The following BBX variants were observed in gnomAD, a reference collection of about 807,000 sequenced individuals.
The protein encoded by BBX is BBX high mobility group box domain containing, also known as HMG box transcription factor BBX.
In BBX, 30 loss-of-function variants were observed where a neutral mutation model predicts 100.2. The ratio of observed to expected loss-of-function variants is 0.30; its 90% CI spans 0.22 to 0.41. The LOEUF (loss-of-function observed/expected upper bound fraction) is 0.41. BBX is among the 10% of genes least tolerant of loss of function. BBX has a pLI of 1.00. For missense variants in BBX, 1,023 were observed against 1,129.8 expected (o/e 0.91, Z 1.35); for synonymous variants, 376 against 388.1 (o/e 0.97, Z 0.37).
At chr3:107,696,506 A>C (rs1027702362) in intron 3 of BBX, among the ~76,000 whole-genome samples, 6 of 151,478 alleles carry the variant, frequency 4.0e-5, no homozygotes, top group African/African-American at 1.5e-4. Flanking sequence ...TCTTTTCTTT[A>C]AGAATGTTGA....
At chr3:107,607,048 A>G (rs1576473969) in intron 2 of BBX, among the ~76,000 whole-genome samples, 2 of 152,102 alleles carry the variant, frequency 1.3e-5, no homozygotes, top group East Asian at 3.9e-4. Context: ...TGCCTGGCTT[A>G]TTAACTTAAT....
chr3:107,659,756 CTG>C (rs1180528380), intron 3 of BBX: 2 of 1,281,320 alleles, frequency 1.6e-6, no homozygotes, highest in Admixed American at 4.6e-5. Flanking sequence ...CATGAATGCA[CTG>C]TTTATTTTTA....
At chr3:107,803,088 T>C (rs969775569) in intron 17 of BBX, among the ~76,000 whole-genome samples, 6 of 152,246 alleles carry the variant, frequency 3.9e-5, no homozygotes, top group Admixed American at 2.6e-4. Flanking sequence ...GTTCCTGTTA[T>C]AACAATTGAT....
chr3:107,741,989 T>G (rs1362979186), intron 7 of BBX, among the ~76,000 whole-genome samples: 1 of 152,204 alleles, frequency 6.6e-6, no homozygotes, highest in Non-Finnish European at 1.5e-5. Context: ...TGCCATGTCA[T>G]TGAACCATTT....
intron 2 of BBX, among the ~76,000 whole-genome samples, chr3:107,532,451 G>A (rs950296664): frequency 6.6e-6 from 1 of 152,116 alleles, no homozygotes; most frequent in Non-Finnish European, 1.5e-5. Flanking sequence ...GTTCTAATTG[G>A]GGTGTTCCTC....
chr3:107,659,324 A>G (rs1282503963), intron 3 of BBX, among the ~76,000 whole-genome samples: 2 of 151,904 alleles, frequency 1.3e-5, no homozygotes, highest in East Asian at 3.8e-4. Flanking sequence ...GCATCTGAAC[A>G]TATAGATATC....
At chr3:107,686,642 T>G (rs1296451234) in intron 3 of BBX, among the ~76,000 whole-genome samples, 1 of 152,166 alleles carries the variant, frequency 6.6e-6, no homozygotes, top group African/African-American at 2.4e-5. Flanking sequence ...CCCCATTGAT[T>G]TTTTCATCAT....
chr3:107,793,985 ATATG>A (rs2069331088), intron 15 of BBX, among the ~76,000 whole-genome samples: 1 of 152,094 alleles, frequency 6.6e-6, no homozygotes, highest in South Asian at 2.1e-4. Context: ...ATTTCGGTAT[ATATG>A]TATTAAAAAA....
At chr3:107,782,886 T>C (rs2068045137) in intron 13 of BBX, among the ~76,000 whole-genome samples, 1 of 152,008 alleles carries the variant, frequency 6.6e-6, no homozygotes, top group Non-Finnish European at 1.5e-5. Flanking sequence ...AGAAATTTGG[T>C]AGGGAAAGAG....
intron 2 of BBX, among the ~76,000 whole-genome samples, chr3:107,633,919 C>A (rs1267437178): frequency 6.6e-6 from 1 of 152,194 alleles, no homozygotes; most frequent in Non-Finnish European, 1.5e-5. Context: ...TCTTCATAAC[C>A]TCTCCATAGT....
At chr3:107,607,122 A>T (rs1304262584) in intron 2 of BBX, among the ~76,000 whole-genome samples, 1 of 151,550 alleles carries the variant, frequency 6.6e-6, no homozygotes, top group African/African-American at 2.4e-5. Flanking sequence ...TTTGAGATGG[A>T]GTCTCACTCT....
At chr3:107,684,897 TGCG>T (rs1043988484) in intron 3 of BBX, among the ~76,000 whole-genome samples, 25 of 152,226 alleles carry the variant, frequency 1.6e-4, no homozygotes, top group Admixed American at 1.5e-3. Flanking sequence ...GCAAAGTGGG[TGCG>T]GGGAAGCAGC....
Position 107,610,787 on chromosome 3 carries a change from TG to T in BBX, c.-83-35048del, listed in dbSNP as rs2054791302. ...TTCTTATAGGCAACAGATCATTGGG[TG>T]TTTTTTTTTTTTAAGCATTTAATCA... On this transcript the variant is annotated intron_variant, in intron 2 of 17. Coordinates refer to ENST00000325805, the MANE Select transcript of BBX (RefSeq NM_001142568.3). Among the ~76,000 whole-genome samples, 4 of 151,512 alleles carry T rather than the reference TG, an allele frequency of 2.6e-5. No homozygotes were observed. In the South Asian group the frequency reaches 8.3e-4, roughly 32 times the overall value.
chr3:107,590,715 A>T (rs1447305793), intron 2 of BBX, among the ~76,000 whole-genome samples: 1 of 152,162 alleles, frequency 6.6e-6, no homozygotes, highest in Non-Finnish European at 1.5e-5. Flanking sequence ...AGCACCTCCT[A>T]CCTACATTGA....
At chr3:107,592,085 G>T (rs943930293) in intron 2 of BBX, among the ~76,000 whole-genome samples, 3 of 149,658 alleles carry the variant, frequency 2.0e-5, no homozygotes, top group African/African-American at 7.3e-5. Flanking sequence ...ACCCCATCAA[G>T]AAGTTAACAG....
intron 2 of BBX, among the ~76,000 whole-genome samples, chr3:107,566,896 C>A (rs1648890): frequency 0.24 from 35,884 of 151,678 alleles, 4,745 homozygotes; most frequent in Non-Finnish European, 0.3. Flanking sequence ...AAACTCTTTT[C>A]TTCTCTGAAA....
intron 2 of BBX, among the ~76,000 whole-genome samples, chr3:107,605,153 A>G (rs1335024833): frequency 6.6e-6 from 1 of 152,202 alleles, no homozygotes; most frequent in Admixed American, 6.5e-5. Flanking sequence ...TGTATCTATC[A>G]TAACATTCTT....
intron 2 of BBX, among the ~76,000 whole-genome samples, chr3:107,590,382 G>C (rs1038655146): frequency 2.0e-5 from 3 of 152,136 alleles, no homozygotes; most frequent in Non-Finnish European, 4.4e-5. Context: ...TCATTTTTGT[G>C]TGTAAAGAAC....
At chr3:107,778,609 G>A in intron 13 of BBX, 90 bp downstream of exon 13, 2 of 1,407,936 alleles carry the variant, frequency 1.4e-6, no homozygotes, top group Non-Finnish European at 9.7e-7. Context: ...ACATATCATT[G>A]GATTTGGAAT....
Sources: gnomAD v4.1 joint callset for allele counts (sites outside exome capture counted in the v4.1 genomes callset) on GRCh38, gnomAD v4.1.1 for gene constraint, MANE v1.5 for transcripts, NCBI Gene and HGNC (gene_info 2026-07-23, HGNC 2026-07-21) for gene names.